The following RSPH9 variants were observed in gnomAD, a reference collection of about 807,000 sequenced individuals.
RSPH9 encodes radial spoke head protein 9 homolog.
Under a neutral mutation model 27.0 loss-of-function variants are expected in RSPH9, and 27 were observed. The ratio of observed to expected loss-of-function variants is 1.00; its 90% CI spans 0.74 to 1.38. RSPH9 has a LOEUF of 1.38. Among genes scored for constraint, RSPH9 ranks in the 40% most tolerant of loss-of-function variants. The probability of loss-of-function intolerance (pLI) is 0.00; values close to 1 mark genes in which losing one functional copy is unlikely to be tolerated. For synonymous variants in RSPH9, 145 were observed against 147.7 expected (o/e 0.98, Z 0.13); for missense variants, 347 against 357.4 (o/e 0.97, Z 0.24).
intron 4 of RSPH9, chr6:43,666,311 T>C: frequency 1.3e-6 from 1 of 786,360 alleles, no homozygotes; most frequent in Non-Finnish European, 2.2e-6. Flanking sequence ...TGGGCTGGGC[T>C]GCTAATTGGG....
chr6:43,659,771 G>T (rs531395262), intron 4 of RSPH9, among the ~76,000 whole-genome samples: 1 of 150,040 alleles, frequency 6.7e-6, no homozygotes, highest in South Asian at 2.1e-4. Flanking sequence ...TCACTCTATC[G>T]CCCAGGCTGG....
chr6:43,650,057 G>T (rs1438003972), intron 1 of RSPH9, among the ~76,000 whole-genome samples: 1 of 152,088 alleles, frequency 6.6e-6, no homozygotes, highest in African/African-American at 2.4e-5. Flanking sequence ...GGGACTACAG[G>T]CATGTGCCAC....
At chr6:43,667,791 T>G (rs1773297744) in intron 4 of RSPH9, among the ~76,000 whole-genome samples, 1 of 152,098 alleles carries the variant, frequency 6.6e-6, no homozygotes, top group Non-Finnish European at 1.5e-5. Flanking sequence ...ATTTTTTTTT[T>G]GTATGTGACA....
chr6:43,655,988 A>ACTTCTTTCCTTCCTTCCTTCCTTCCTTC (rs1771973866), intron 3 of RSPH9, among the ~76,000 whole-genome samples: 1 of 113,616 alleles, frequency 8.8e-6, no homozygotes, highest in Admixed American at 9.4e-5. Context: ...TCCTCCTTGG[A>ACTTCTTTCCTTCCTTCCTTCCTTCCTTC]CTTCCTTCCT....
At chr6:43,659,666 G>A (rs1772407853) in intron 4 of RSPH9, among the ~76,000 whole-genome samples, 1 of 152,084 alleles carries the variant, frequency 6.6e-6, no homozygotes, top group Admixed American at 6.5e-5. Context: ...ACAGGCGTGA[G>A]CCACCCCGCC....
At chr6:43,666,375 G>A (rs1046398882) in intron 4 of RSPH9, 9 of 1,409,084 alleles carry the variant, frequency 6.4e-6, no homozygotes, top group African/African-American at 5.7e-5. Context: ...TGGAGGGATG[G>A]GATTTGGCAG....
intron 4 of RSPH9, among the ~76,000 whole-genome samples, chr6:43,662,436 G>A (rs1256252556): frequency 1.3e-5 from 2 of 150,220 alleles, no homozygotes; most frequent in East Asian, 4.0e-4. Context: ...GTGCAATCTC[G>A]GCTCACTGCA....
Position 43,672,149 on chromosome 6 carries a change from C to T in RSPH9, c.*1200C>T, listed in dbSNP as rs41281836. ...GGTTCAGGCAGCCCAGGGCCACAAG[C>T]TCCCTTGATCTTTGTAAATGTCAAT... is the stretch of plus-strand genomic sequence containing the variant. On this transcript the variant is annotated 3_prime_UTR_variant, in exon 5 of 5. Coordinates refer to ENST00000372163, the MANE Select transcript of RSPH9 (RefSeq NM_152732.5). 0.14 allele frequency: 78,429 copies of T among 577,662 alleles called. 6,622 individuals carry two copies. The highest frequency in any genetic ancestry group is 0.29 in the East Asian group (9,527 of 33,386). 35.8% of individuals were successfully genotyped at this position (577,662 alleles called of 1,614,324 possible).
chr6:43,656,442 TTTCC>T, intron 3 of RSPH9, 131 bp from the exon 4 acceptor site: 3 of 1,043,666 alleles, frequency 2.9e-6, no homozygotes. Flanking sequence ...TGCTAATCCC[TTTCC>T]TTCCTTTAGC....
chr6:43,666,547 C>T, intron 4 of RSPH9: 4 of 1,447,036 alleles, frequency 2.8e-6, no homozygotes, highest in Non-Finnish European at 3.8e-6. Context: ...GCATCTTGTC[C>T]CTTGGCCAAA....
chr6:43,649,803 C>A (rs1771259344), intron 1 of RSPH9, among the ~76,000 whole-genome samples: 1 of 152,110 alleles, frequency 6.6e-6, no homozygotes, highest in Non-Finnish European at 1.5e-5. Flanking sequence ...AGTTCAGCTA[C>A]CAGAAACTCA....
chr6:43,665,700 T>C (rs1773063546), intron 4 of RSPH9, among the ~76,000 whole-genome samples: 1 of 152,198 alleles, frequency 6.6e-6, no homozygotes, highest in Non-Finnish European at 1.5e-5. Flanking sequence ...ACTCCTGGCA[T>C]TTCCTGGGCA....
chr6:43,652,747 T>C (rs975686511), intron 2 of RSPH9, among the ~76,000 whole-genome samples: 6 of 148,108 alleles, frequency 4.1e-5, no homozygotes, highest in Non-Finnish European at 5.9e-5. Flanking sequence ...TTTTTTTTTT[T>C]CACCATTGTG....
intron 4 of RSPH9, among the ~76,000 whole-genome samples, chr6:43,669,037 T>C (rs893697423): frequency 6.6e-6 from 1 of 152,164 alleles, no homozygotes. Context: ...CTAGGGACTC[T>C]CAAACTCTGA....
chr6:43,657,045 ACTTACAT>A (rs1388538077), intron 4 of RSPH9, among the ~76,000 whole-genome samples: 1 of 152,172 alleles, frequency 6.6e-6, no homozygotes, highest in Non-Finnish European at 1.5e-5. Flanking sequence ...TACTAGCCAT[ACTTACAT>A]CTCAACTGTT....
chr6:43,659,762 C>T (rs755531357), intron 4 of RSPH9, among the ~76,000 whole-genome samples: 17 of 151,112 alleles, frequency 1.1e-4, no homozygotes, highest in Non-Finnish European at 2.1e-4. Flanking sequence ...AATGGAGTCT[C>T]ACTCTATCGC....
At chr6:43,655,801 A>G (rs1771944117) in intron 3 of RSPH9, 110 bp downstream of exon 3, 1 of 1,323,952 alleles carries the variant, frequency 7.6e-7, no homozygotes, top group African/African-American at 1.4e-5. Context: ...TCAGAGAAGG[A>G]GTAGCTGTGA....
In RSPH9 at chr6:43,671,058, C is replaced by G. The variant is rs948760277; in HGVS notation, c.*109C>G. On this transcript the variant is annotated 3_prime_UTR_variant, in exon 5 of 5. Coordinates refer to ENST00000372163, the MANE Select transcript of RSPH9 (RefSeq NM_152732.5). ...CCTATCTTCTTAACTCCACCTCCGT[C>G]TGGTTCCAGATTCTGAAAGGCCCAC... 10 of 1,389,606 alleles carry G rather than the reference C, an allele frequency of 7.2e-6. No homozygotes were observed. The highest frequency in any genetic ancestry group is 7.1e-5 in the African/African-American group (5 of 70,208). The allele number at this position is 1,389,606 out of a possible 1,614,324, so 86.1% of individuals were successfully genotyped here.
chr6:43,670,037 GGA>G (rs1561946668), intron 4 of RSPH9, among the ~76,000 whole-genome samples: 1 of 152,220 alleles, frequency 6.6e-6, no homozygotes, highest in East Asian at 1.9e-4. Flanking sequence ...ATCCAACTCA[GGA>G]GAGGCTTCAG....
Sources: allele counts gnomAD v4.1 joint callset (sites outside exome capture counted in the v4.1 genomes callset), GRCh38; gene constraint gnomAD v4.1.1; transcripts MANE v1.5; gene names NCBI Gene and HGNC (gene_info 2026-07-23, HGNC 2026-07-21).